Variants in LMCD1 observed in about 807,000 individuals in gnomAD.
The protein encoded by LMCD1 is LIM and cysteine-rich domains protein 1.
Under a neutral mutation model 42.7 loss-of-function variants are expected in LMCD1, and 32 were observed. The observed-to-expected ratio is 0.75, with a 90% CI of 0.57 to 1.01. The LOEUF (loss-of-function observed/expected upper bound fraction) is 1.01. LMCD1 is among the 50% of genes least tolerant of loss of function. The pLI, the probability that LMCD1 is intolerant of heterozygous loss-of-function variation, is 0.00. For missense variants in LMCD1, 458 were observed against 483.1 expected (o/e 0.95, Z 0.49); for synonymous variants, 178 against 184.9 (o/e 0.96, Z 0.30).
At chr3:8,528,936 A>G (rs1694353431) in intron 1 of LMCD1, among the ~76,000 whole-genome samples, 1 of 151,936 alleles carries the variant, frequency 6.6e-6, no homozygotes, top group Non-Finnish European at 1.5e-5. Context: ...ACCACATCCT[A>G]CTAACCCAAG....
chr3:8,514,782 C>A, intron 1 of LMCD1: 1 of 340,410 alleles, frequency 2.9e-6, no homozygotes, highest in Non-Finnish European at 5.8e-6. Flanking sequence ...TTCATTTTTA[C>A]CATGTTCGAA....
At chr3:8,504,523 TA>T (rs1559342896) in intron 1 of LMCD1, among the ~76,000 whole-genome samples, 1 of 152,124 alleles carries the variant, frequency 6.6e-6, no homozygotes, top group African/African-American at 2.4e-5. Flanking sequence ...TGGAAAGTCA[TA>T]AAAAGATCTT....
At chr3:8,543,381 TA>T in intron 3 of LMCD1, among the ~76,000 whole-genome samples, 1 of 74,288 alleles carries the variant, frequency 1.3e-5, no homozygotes, top group African/African-American at 4.9e-5. Flanking sequence ...AAACTGCTGA[TA>T]GATAGATAGA....
At chr3:8,507,068 G>A (rs1285595745) in intron 1 of LMCD1, among the ~76,000 whole-genome samples, 1 of 152,212 alleles carries the variant, frequency 6.6e-6, no homozygotes, top group Non-Finnish European at 1.5e-5. Context: ...AACAGGAAGA[G>A]GATTTGGCCA....
intron 1 of LMCD1, among the ~76,000 whole-genome samples, chr3:8,524,563 G>A (rs568018859): frequency 6.6e-6 from 1 of 152,196 alleles, no homozygotes; most frequent in Non-Finnish European, 1.5e-5. Context: ...AACTCTCCTT[G>A]TAGGGAATGG....
chr3:8,533,351 C>T (rs1018025810), intron 2 of LMCD1, among the ~76,000 whole-genome samples: 1 of 152,130 alleles, frequency 6.6e-6, no homozygotes, highest in Non-Finnish European at 1.5e-5. Context: ...GGTTTTCTTT[C>T]TTTTTTTCCA....
chr3:8,550,807 T>G (rs1694826887), intron 4 of LMCD1: 1 of 985,172 alleles, frequency 1.0e-6, no homozygotes, highest in Non-Finnish European at 1.2e-6. Context: ...ACTAGATAAT[T>G]CTAAGTTGGA....
Position 8,567,469 on chromosome 3 carries a change from G to C in LMCD1, c.969G>C (p.Val323=). Reference sequence around the variant, plus strand: ...TATTCGCTGAGGACTACCAGCGTGTGGAAGATCTGGCCTGGCACCGAAAGC... The same window carrying C: ...TATTCGCTGAGGACTACCAGCGTGTCGAAGATCTGGCCTGGCACCGAAAGC... ...EIIFAEDYQR[V]EDLAWHRKHF... Residue 323 remains valine (V), a synonymous_variant, in exon 6 of 6, where the codon GTG becomes GTC. Transcript: ENST00000157600. 1 of 1,614,088 alleles carries C rather than the reference G, an allele frequency of 6.2e-7. No individual in the cohort carries two copies. The highest frequency in any genetic ancestry group is 8.5e-7 in the Non-Finnish European group (1 of 1,180,022).
chr3:8,551,706 C>T (rs965102157), intron 4 of LMCD1, among the ~76,000 whole-genome samples: 1 of 152,170 alleles, frequency 6.6e-6, no homozygotes, highest in Admixed American at 6.5e-5. Flanking sequence ...ACAGTGTGTT[C>T]CCAGCAACCC....
At chr3:8,531,541 C>G (rs1254877423) in intron 1 of LMCD1, among the ~76,000 whole-genome samples, 2 of 152,126 alleles carry the variant, frequency 1.3e-5, no homozygotes, top group African/African-American at 4.8e-5. Flanking sequence ...TCAGTATGTC[C>G]AAGGCTAGGC....
chr3:8,530,879 GA>G (rs1559349536), intron 1 of LMCD1, among the ~76,000 whole-genome samples: 2 of 152,190 alleles, frequency 1.3e-5, no homozygotes, highest in African/African-American at 4.8e-5. Flanking sequence ...CTTTTCACAT[GA>G]ATCTAGCATT....
At chr3:8,509,693 TACC>T (rs1693957231) in intron 1 of LMCD1, among the ~76,000 whole-genome samples, 1 of 152,134 alleles carries the variant, frequency 6.6e-6, no homozygotes, top group African/African-American at 2.4e-5. Flanking sequence ...CACACACACA[TACC>T]TCTCCTTCCT....
intron 1 of LMCD1, among the ~76,000 whole-genome samples, chr3:8,522,112 G>T (rs1335032353): frequency 3.9e-5 from 6 of 152,182 alleles, no homozygotes. Context: ...GGAGGCAGGA[G>T]CAAGGTCTTA....
chr3:8,556,480 A>G (rs150824285), intron 4 of LMCD1, among the ~76,000 whole-genome samples: 8 of 152,142 alleles, frequency 5.3e-5, no homozygotes, highest in Non-Finnish European at 8.8e-5. Flanking sequence ...GACAAAAACA[A>G]AAATTTCAAA....
Position 8,502,305 on chromosome 3 carries a change from ATATATAAAATATATATT to A in LMCD1, c.42+326_42+342del, listed in dbSNP as rs1559342061. On this transcript the variant is annotated intron_variant, in intron 1 of 5. Transcript: ENST00000157600. ...ATATATATAATATATATTATATATA[ATATATAAAATATATATT>A]ATATATAATATATATTATATATAAA... 8.0e-3 allele frequency among the ~76,000 whole-genome samples: 174 copies of A among 21,728 alleles called. 10 individuals are homozygous for A. Among genetic ancestry groups the A allele is most frequent in the African/African-American group, 0.031 (168 of 5,418 alleles). The allele number at this position is 21,728 out of a possible 152,430, so 14.3% of individuals were successfully genotyped here.
intron 4 of LMCD1, among the ~76,000 whole-genome samples, chr3:8,557,895 C>T (rs921362415): frequency 2.6e-5 from 4 of 152,128 alleles, no homozygotes; most frequent in African/African-American, 4.8e-5. Context: ...ACCTGAAGCT[C>T]GTTCACTCAT....
At chr3:8,515,757 G>T (rs1017382654) in intron 1 of LMCD1, among the ~76,000 whole-genome samples, 4 of 152,132 alleles carry the variant, frequency 2.6e-5, no homozygotes, top group Non-Finnish European at 5.9e-5. Flanking sequence ...ATTCTGAGGG[G>T]TTAGAAAGAA....
chr3:8,502,266 A>AT (rs1553604844), intron 1 of LMCD1, among the ~76,000 whole-genome samples: 10 of 72,728 alleles, frequency 1.4e-4, no homozygotes, highest in African/African-American at 4.4e-4. Flanking sequence ...ATGTATATAA[A>AT]ATATATATAT....
At chr3:8,566,466 T>C (rs1049562259) in intron 5 of LMCD1, among the ~76,000 whole-genome samples, 2 of 152,198 alleles carry the variant, frequency 1.3e-5, no homozygotes, top group African/African-American at 4.8e-5. Context: ...GACCCTGTAG[T>C]CCTCTTACCT....
Sources: gnomAD v4.1 joint callset for allele counts (sites outside exome capture counted in the v4.1 genomes callset) on GRCh38, gnomAD v4.1.1 for gene constraint, MANE v1.5 for transcripts, NCBI Gene and HGNC (gene_info 2026-07-23, HGNC 2026-07-21) for gene names.